Variants in EPHA3 observed in about 807,000 individuals in gnomAD.
EPHA3 encodes EPH receptor A3, also known as ephrin type-A receptor 3.
In EPHA3, 42 loss-of-function variants were observed where a neutral mutation model predicts 107.1. The observed-to-expected ratio is 0.39, with a 90% CI of 0.31 to 0.51. EPHA3 has a LOEUF of 0.51. Among genes scored for constraint, EPHA3 ranks in the 20% least tolerant of loss-of-function variants. The probability of loss-of-function intolerance (pLI) is 0.78; values close to 1 mark genes in which losing one functional copy is unlikely to be tolerated. For missense variants in EPHA3, 1,183 were observed against 1,211.2 expected, an observed-to-expected ratio of 0.98 and a Z score of 0.35; for synonymous variants, 461 against 424.8, an observed-to-expected ratio of 1.09 and a Z score of -1.05.
chr3:89,236,637 C>T (rs1372354569), intron 3 of EPHA3, among the ~76,000 whole-genome samples: 7 of 149,686 alleles, frequency 4.7e-5, no homozygotes, highest in Admixed American at 6.7e-5. Flanking sequence ...TGCTAGAGGA[C>T]GAGTTAGTGG....
chr3:89,205,779 CTA>C (rs35206164), intron 2 of EPHA3, among the ~76,000 whole-genome samples: 1,951 of 151,848 alleles, frequency 0.013, 44 homozygotes, highest in African/African-American at 0.043. Flanking sequence ...CCACCAAATT[CTA>C]TGTTACCATT....
At chr3:89,211,742 C>CTT (rs1704098442) in intron 3 of EPHA3, among the ~76,000 whole-genome samples, 5 of 19,538 alleles carry the variant, frequency 2.6e-4, no homozygotes, top group African/African-American at 6.2e-4. Flanking sequence ...TTCTTCTTCT[C>CTT]CTTCTTCTTC....
rs190180455 is a variant in EPHA3, at chr3:89,219,300, A to T, written c.814+8780A>T. Among the ~76,000 whole-genome samples, 246 of 152,022 alleles carry T rather than the reference A, an allele frequency of 1.6e-3. 2 individuals carry two copies. The highest frequency in any genetic ancestry group is 5.7e-3 in the African/African-American group (237 of 41,476). On this transcript the variant is annotated intron_variant, in intron 3 of 16. Coordinates refer to ENST00000336596, the MANE Select transcript of EPHA3 (RefSeq NM_005233.6). ...TGCCTCAGCCTCCTGAGTAGCTGGG[A>T]TTACAGGCATGTGCCACCCTGCTCA... is the stretch of plus-strand genomic sequence containing the variant.
chr3:89,263,578 T>G (rs1335447188), intron 3 of EPHA3, among the ~76,000 whole-genome samples: 3 of 152,158 alleles, frequency 2.0e-5, no homozygotes, highest in Non-Finnish European at 4.4e-5. Context: ...TCTGGCCATC[T>G]CGGGCCAGAT....
intron 2 of EPHA3, 142 bp from the exon 3 acceptor site, chr3:89,209,718 C>A (rs1706221145): frequency 3.0e-6 from 2 of 668,772 alleles, no homozygotes; most frequent in Non-Finnish European, 4.8e-6. Context: ...CTCAGAGAAC[C>A]TTGCAAATAA....
intron 3 of EPHA3, among the ~76,000 whole-genome samples, chr3:89,275,028 T>C (rs1705771613): frequency 6.6e-6 from 1 of 152,074 alleles, no homozygotes; most frequent in African/African-American, 2.4e-5. Context: ...AGAACTTTGC[T>C]AATGATGAAA....
At chr3:89,360,934 T>C (rs778131306) in intron 5 of EPHA3, among the ~76,000 whole-genome samples, 1 of 151,036 alleles carries the variant, frequency 6.6e-6, no homozygotes, top group African/African-American at 2.4e-5. Context: ...CACTCACTTC[T>C]CATATGAACA....
intron 2 of EPHA3, among the ~76,000 whole-genome samples, chr3:89,177,151 A>G (rs1705339042): frequency 6.6e-6 from 1 of 152,142 alleles, no homozygotes; most frequent in African/African-American, 2.4e-5. Flanking sequence ...AATTTCCTAA[A>G]TATTATAAGA....
intron 13 of EPHA3, 32 bp from the exon 14 acceptor site, chr3:89,449,193 T>C (rs1335798912): frequency 1.3e-6 from 2 of 1,579,446 alleles, no homozygotes; most frequent in South Asian, 2.3e-5. Context: ...TATGCATTGC[T>C]GATTTATGTA....
rs1056467539 is a variant in EPHA3, at chr3:89,340,929, T to C, written c.828T>C (p.Gly276=). The part of the protein sequence containing the change: ...RGFMCQACRP[G]FYKALDGNMK... ...TTTTGTTTGTAGCTTGTCGACCAGG[T>C]TTCTACAAGGCATTGGATGGTAATA... The change falls in exon 4 of 17, where the codon GGT becomes GGC. Residue 276 remains glycine (G), a synonymous_variant. Transcript: ENST00000336596. The C allele has an allele frequency of 1.2e-6, 2 of 1,606,626 alleles. No individual in the cohort carries two copies. Among genetic ancestry groups the C allele is most frequent in the Non-Finnish European group, 1.7e-6 (2 of 1,177,520 alleles).
At chr3:89,221,438 C>T (rs1704372574) in intron 3 of EPHA3, among the ~76,000 whole-genome samples, 1 of 152,144 alleles carries the variant, frequency 6.6e-6, no homozygotes, top group Non-Finnish European at 1.5e-5. Context: ...CATAGATACG[C>T]TCTCTTAACA....
chr3:89,285,293 C>T (rs62274987), intron 3 of EPHA3, among the ~76,000 whole-genome samples: 2,843 of 151,946 alleles, frequency 0.019, 296 homozygotes, highest in Admixed American at 0.16. Flanking sequence ...CCTGGTTTAC[C>T]TTCATTTACT....
At chr3:89,202,935 G>GT (rs1340988754) in intron 2 of EPHA3, among the ~76,000 whole-genome samples, 1 of 152,144 alleles carries the variant, frequency 6.6e-6, no homozygotes, top group Non-Finnish European at 1.5e-5. Flanking sequence ...ATCATTCCTT[G>GT]TAGGAGGTAG....
chr3:89,310,153 T>C (rs141953395), intron 3 of EPHA3, among the ~76,000 whole-genome samples: 1 of 152,092 alleles, frequency 6.6e-6, no homozygotes, highest in Non-Finnish European at 1.5e-5. Context: ...GGTACCTGTA[T>C]AGCCCTTTGA....
intron 2 of EPHA3, among the ~76,000 whole-genome samples, chr3:89,136,541 G>T (rs1704320434): frequency 6.6e-6 from 1 of 151,382 alleles, no homozygotes; most frequent in Non-Finnish European, 1.5e-5. Context: ...TTTATGAATT[G>T]TGTTCTCTTC....
intron 13 of EPHA3, among the ~76,000 whole-genome samples, chr3:89,449,006 A>C (rs188011927): frequency 2.0e-5 from 3 of 151,940 alleles, no homozygotes; most frequent in Non-Finnish European, 4.4e-5. Flanking sequence ...ATATAATTTC[A>C]AAATCCTTCC....
chr3:89,435,825 C>T (rs1457746945), intron 13 of EPHA3, among the ~76,000 whole-genome samples: 10 of 150,208 alleles, frequency 6.7e-5, no homozygotes, highest in South Asian at 6.3e-4. Context: ...TGGTGGTGTG[C>T]GCCTGTAATC....
intron 10 of EPHA3, among the ~76,000 whole-genome samples, chr3:89,416,315 G>C (rs1441429731): frequency 6.6e-6 from 1 of 151,340 alleles, no homozygotes; most frequent in African/African-American, 2.4e-5. Context: ...CTTTTATCTA[G>C]AAATGACAAG....
intron 1 of EPHA3, among the ~76,000 whole-genome samples, chr3:89,108,536 G>A (rs1707026979): frequency 6.6e-6 from 1 of 152,160 alleles, no homozygotes; most frequent in Non-Finnish European, 1.5e-5. Context: ...AATGAATAGT[G>A]GATAGCTCCT....
Sources: allele counts gnomAD v4.1 joint callset (sites outside exome capture counted in the v4.1 genomes callset), GRCh38; gene constraint gnomAD v4.1.1; transcripts MANE v1.5; gene names NCBI Gene and HGNC (gene_info 2026-07-23, HGNC 2026-07-21).